The following FNDC1 variants were observed in gnomAD, a reference collection of about 807,000 sequenced individuals.
The protein encoded by FNDC1 is fibronectin type III domain-containing protein 1.
Under a neutral mutation model 168.0 loss-of-function variants are expected in FNDC1, and 96 were observed. The observed-to-expected ratio is 0.57, with a 90% CI of 0.48 to 0.68. FNDC1 has a LOEUF of 0.68. FNDC1 is among the 30% of genes least tolerant of loss of function. The pLI, the probability that FNDC1 is intolerant of heterozygous loss-of-function variation, is 0.00. For missense variants in FNDC1, 2,587 were observed against 2,482.1 expected, an observed-to-expected ratio of 1.04 and a Z score of -0.90; for synonymous variants, 1,099 against 1,025.9, an observed-to-expected ratio of 1.07 and a Z score of -1.36.
At chr6:159,209,742 T>A (rs973830527) in intron 4 of FNDC1, among the ~76,000 whole-genome samples, 4 of 152,264 alleles carry the variant, frequency 2.6e-5, no homozygotes, top group Non-Finnish European at 4.4e-5. Flanking sequence ...ACATTAATAA[T>A]TGGCATTGAT....
intron 14 of FNDC1, 129 bp from the exon 15 acceptor site, chr6:159,246,772 C>T (rs190048856): frequency 6.2e-6 from 4 of 647,372 alleles, no homozygotes; most frequent in African/African-American, 5.4e-5. Flanking sequence ...ATTATGGAGA[C>T]CCTGGCCTTG....
chr6:159,182,077 A>G (rs1308212453), intron 1 of FNDC1, among the ~76,000 whole-genome samples: 2 of 152,228 alleles, frequency 1.3e-5, no homozygotes, highest in African/African-American at 4.8e-5. Flanking sequence ...TGATATTCAA[A>G]CAAACCACAC....
chr6:159,224,245 C>T (rs1001774783), intron 7 of FNDC1, among the ~76,000 whole-genome samples: 1 of 152,144 alleles, frequency 6.6e-6, no homozygotes, highest in Non-Finnish European at 1.5e-5. Context: ...CAATAAAAGG[C>T]AAACCAATCA....
intron 17 of FNDC1, among the ~76,000 whole-genome samples, chr6:159,254,283 T>C (rs1777329481): frequency 6.6e-6 from 1 of 152,320 alleles, no homozygotes; most frequent in African/African-American, 2.4e-5. Context: ...GGCTTGGTCC[T>C]GGGGCCTCTT....
chr6:159,221,453 C>T (rs1365652552), intron 5 of FNDC1, 145 bp from the exon 6 acceptor site: 1 of 651,138 alleles, frequency 1.5e-6, no homozygotes, highest in South Asian at 1.9e-5. Context: ...CTTCATAGTC[C>T]TCAAGAAGTG....
Position 159,234,160 on chromosome 6 carries a change from T to C in FNDC1, c.3648T>C (p.Asp1216=). The change falls in exon 11 of 23, where the codon GAT becomes GAC. Residue 1216 remains aspartate, a synonymous_variant. Coordinates refer to ENST00000297267, the MANE Select transcript of FNDC1 (RefSeq NM_032532.3). ...SSTPRGGKDA[D]GSLAKEEREP... ...CTCCCAGGGGCGGCAAAGACGCCGA[T>C]GGGAGCCTCGCCAAGGAAGAGAGGG... is the stretch of plus-strand genomic sequence containing the variant. 1 of 1,599,468 alleles carries C rather than the reference T, an allele frequency of 6.3e-7. No homozygotes were observed. The highest frequency in any genetic ancestry group is 8.5e-7 in the Non-Finnish European group (1 of 1,173,648).
chr6:159,216,570 G>A (rs1303183218), intron 5 of FNDC1, among the ~76,000 whole-genome samples: 2 of 152,146 alleles, frequency 1.3e-5, no homozygotes, highest in East Asian at 1.9e-4. Context: ...GCCAAGAGCC[G>A]TCTCACCCCT....
Position 159,251,348 on chromosome 6 carries a change from T to A in FNDC1, c.4881T>A (p.Ser1627=). 1 of 1,614,018 alleles carries A rather than the reference T, an allele frequency of 6.2e-7. No individual in the cohort carries two copies. The highest frequency in any genetic ancestry group is 1.6e-4 in the Middle Eastern group (1 of 6,062). Residue 1627 remains serine (S), a synonymous_variant, in exon 17 of 23, where the codon TCT becomes TCA. Transcript: ENST00000297267. The part of the protein sequence containing the change: ...YLNKDPSAPC[S]LTDALDHFQV... The stretch of plus-strand genomic sequence containing the variant: ...ATAAAGACCCATCAGCCCCGTGCTC[T>A]CTGACTGATGCACTGGATCACTTCC...
chr6:159,183,048 A>T (rs1781916254), intron 1 of FNDC1, among the ~76,000 whole-genome samples: 1 of 152,210 alleles, frequency 6.6e-6, no homozygotes, highest in Non-Finnish European at 1.5e-5. Flanking sequence ...GATTGGGGAT[A>T]TCAGGTGTTC....
At chr6:159,242,735 T>C (rs1241017754) in intron 14 of FNDC1, among the ~76,000 whole-genome samples, 1 of 152,226 alleles carries the variant, frequency 6.6e-6, no homozygotes, top group Non-Finnish European at 1.5e-5. Flanking sequence ...ACTAACATAC[T>C]TTCTCTCTCT....
At chr6:159,257,215 T>C (rs893407306) in intron 18 of FNDC1, among the ~76,000 whole-genome samples, 1 of 152,162 alleles carries the variant, frequency 6.6e-6, no homozygotes, top group Non-Finnish European at 1.5e-5. Flanking sequence ...TCATTCCCCT[T>C]GTATGCCATC....
At chr6:159,217,056 T>G (rs553882071) in intron 5 of FNDC1, among the ~76,000 whole-genome samples, 110 of 152,126 alleles carry the variant, frequency 7.2e-4, no homozygotes, top group Admixed American at 1.4e-3. Context: ...GCGTGTGCTA[T>G]GTGGGGATGC....
At chr6:159,269,580 T>C (rs60389912) in intron 22 of FNDC1, among the ~76,000 whole-genome samples, 1 of 105,150 alleles carries the variant, frequency 9.5e-6, no homozygotes, top group African/African-American at 4.1e-5. Context: ...CTATCCTATC[T>C]GTCTGTCTGT....
chr6:159,229,779 G>T, intron 9 of FNDC1, 36 bp from the exon 10 acceptor site: 2 of 1,584,246 alleles, frequency 1.3e-6, no homozygotes. Context: ...ACTGTTTTCA[G>T]TTTCCTCCTT....
intron 1 of FNDC1, among the ~76,000 whole-genome samples, chr6:159,188,784 G>A (rs1782064749): frequency 7.1e-6 from 1 of 140,160 alleles, no homozygotes; most frequent in Non-Finnish European, 1.5e-5. Context: ...GTCTCACTCT[G>A]TCATCCAGGC....
At chr6:159,197,759 C>A in intron 2 of FNDC1, 134 bp downstream of exon 2, 1 of 719,904 alleles carries the variant, frequency 1.4e-6, no homozygotes, top group East Asian at 2.9e-5. Flanking sequence ...GAATGGAGAG[C>A]TGAGTTCTGA....
Position 159,171,662 on chromosome 6 carries a change from C to G in FNDC1, c.109+1957C>G, listed in dbSNP as rs539234632. Among the ~76,000 whole-genome samples the G allele has an allele frequency of 5.6e-4, 85 of 152,270 alleles. No individual in the cohort carries two copies. The Middle Eastern group carries it at 0.01, about 18-fold the overall frequency. On this transcript the variant is annotated intron_variant, in intron 1 of 22. Coordinates refer to ENST00000297267, the MANE Select transcript of FNDC1 (RefSeq NM_032532.3). ...TCAATTAAACATAAAACAAAATAAG[C>G]AAGCAGTGTCCCCTCCTCCACTCAT... is the stretch of plus-strand genomic sequence containing the variant.
chr6:159,215,374 AG>A (rs1224869544), intron 5 of FNDC1, among the ~76,000 whole-genome samples: 1 of 152,208 alleles, frequency 6.6e-6, no homozygotes, highest in Non-Finnish European at 1.5e-5. Context: ...AGTGCCTGTC[AG>A]TTGCTTCCTG....
At chr6:159,264,663 C>G (rs753009804) in intron 19 of FNDC1, among the ~76,000 whole-genome samples, 1 of 152,132 alleles carries the variant, frequency 6.6e-6, no homozygotes, top group Non-Finnish European at 1.5e-5. Context: ...AAGAAACCAC[C>G]ACACTATTTT....
Sources: allele counts gnomAD v4.1 joint callset (sites outside exome capture counted in the v4.1 genomes callset), GRCh38; gene constraint gnomAD v4.1.1; transcripts MANE v1.5; gene names NCBI Gene and HGNC (gene_info 2026-07-23, HGNC 2026-07-21).